The following GRID1 variants were observed in gnomAD, a reference collection of about 807,000 sequenced individuals.
GRID1 encodes glutamate receptor ionotropic, delta-1.
Under a neutral mutation model 98.0 loss-of-function variants are expected in GRID1, and 28 were observed. That is an observed-to-expected ratio of 0.29 (90% CI 0.21 to 0.39). The LOEUF is 0.39. GRID1 is among the 10% of genes least tolerant of loss of function. GRID1 has a pLI of 1.00. For missense variants in GRID1, 1,111 were observed against 1,340.5 expected (o/e 0.83, Z 2.67); for synonymous variants, 553 against 538.5 (o/e 1.03, Z -0.37).
chr10:85,772,228 T>G lies in GRID1; in HGVS notation c.1234-42614A>C, dbSNP rs999978517. ...AACCTGCTCCTGAATGACTACTGGG[T>G]ACATAACGAAATGAAGGCAGAAATA... On this transcript the variant is annotated intron_variant, in intron 8 of 15. Transcript: ENST00000327946. 3.3e-5 allele frequency among the ~76,000 whole-genome samples: 5 copies of G among 152,094 alleles called. No homozygotes were observed. In the South Asian group the frequency reaches 6.2e-4, roughly 19 times the overall value.
At chr10:85,873,584 G>C (rs1469756911) in intron 5 of GRID1, among the ~76,000 whole-genome samples, 2 of 152,272 alleles carry the variant, frequency 1.3e-5, no homozygotes, top group South Asian at 4.1e-4. Flanking sequence ...CATCTTGGTT[G>C]GATGCCTCCT....
intron 8 of GRID1, among the ~76,000 whole-genome samples, chr10:85,783,452 G>A (rs138473886): frequency 2.1e-4 from 32 of 152,250 alleles, no homozygotes; most frequent in African/African-American, 7.5e-4. Context: ...GGAGTTCCTC[G>A]AATCTGATTT....
At chr10:86,126,182 G>A (rs1046103782) in intron 4 of GRID1, among the ~76,000 whole-genome samples, 12 of 152,224 alleles carry the variant, frequency 7.9e-5, no homozygotes, top group East Asian at 1.9e-4. Context: ...TCGGCCGGGC[G>A]TGGTGGCTCA....
chr10:86,034,955 T>TGGAC (rs1843238223), intron 4 of GRID1, among the ~76,000 whole-genome samples: 2 of 150,602 alleles, frequency 1.3e-5, no homozygotes, highest in South Asian at 4.2e-4. Context: ...GATGGATGGA[T>TGGAC]AGATGGTTGG....
chr10:86,249,607 C>T (rs568722754), intron 2 of GRID1, among the ~76,000 whole-genome samples: 1 of 152,010 alleles, frequency 6.6e-6, no homozygotes, highest in Non-Finnish European at 1.5e-5. Flanking sequence ...CCATTTCTAC[C>T]CCCCCACACC....
intron 8 of GRID1, among the ~76,000 whole-genome samples, chr10:85,812,951 G>A (rs1016783617): frequency 6.6e-6 from 1 of 151,780 alleles, no homozygotes; most frequent in Non-Finnish European, 1.5e-5. Flanking sequence ...TGGTGGTAAT[G>A]GCAGCATTGG....
intron 2 of GRID1, among the ~76,000 whole-genome samples, chr10:86,317,686 T>G (rs543930815): frequency 2.0e-5 from 3 of 152,124 alleles, no homozygotes; most frequent in Admixed American, 1.3e-4. Context: ...CCTGACTGAC[T>G]TAAAGAGCAG....
rs569475444 is a variant in GRID1 at position 85,774,936 on chromosome 10, G to C, written c.1234-45322C>G. ...AGTGTGGCGATTCCTCAGGGATCTA[G>C]AACTAGAAATACCATTTGACCCAGC... is the stretch of plus-strand genomic sequence containing the variant. On this transcript the variant is annotated intron_variant, in intron 8 of 15. Coordinates refer to ENST00000327946, the MANE Select transcript of GRID1 (RefSeq NM_017551.3). Among the ~76,000 whole-genome samples, 864 of 151,570 alleles carry C rather than the reference G, an allele frequency of 5.7e-3. 12 individuals carry two copies. Among genetic ancestry groups the C allele is most frequent in the African/African-American group, 0.02 (824 of 41,370 alleles).
chr10:86,061,117 T>C (rs1490649658), intron 4 of GRID1, among the ~76,000 whole-genome samples: 1 of 152,164 alleles, frequency 6.6e-6, no homozygotes, highest in Non-Finnish European at 1.5e-5. Flanking sequence ...CTGGGGGTAC[T>C]CTACAGGCTT....
chr10:85,653,221 T>C (rs1473364575), intron 12 of GRID1, among the ~76,000 whole-genome samples: 1 of 152,242 alleles, frequency 6.6e-6, no homozygotes, highest in East Asian at 1.9e-4. Flanking sequence ...AGCTGACCCC[T>C]GCTGCTATGT....
intron 12 of GRID1, among the ~76,000 whole-genome samples, chr10:85,652,514 G>C (rs1403428972): frequency 3.9e-5 from 6 of 152,176 alleles, no homozygotes; most frequent in Admixed American, 3.3e-4. Flanking sequence ...TGGCTCAAAA[G>C]ACACGGGAGG....
At chr10:86,067,788 C>T (rs1843741433) in intron 4 of GRID1, among the ~76,000 whole-genome samples, 1 of 152,234 alleles carries the variant, frequency 6.6e-6, no homozygotes, top group African/African-American at 2.4e-5. Flanking sequence ...TAGCCTCAAG[C>T]CATGATGACT....
At chr10:86,259,809 A>G (rs1321288397) in intron 2 of GRID1, among the ~76,000 whole-genome samples, 1 of 152,176 alleles carries the variant, frequency 6.6e-6, no homozygotes, top group Admixed American at 6.5e-5. Flanking sequence ...CCACACTCTG[A>G]CCTCTTCCAT....
chr10:85,937,578 G>T (rs1028813770), intron 4 of GRID1, among the ~76,000 whole-genome samples: 2 of 152,144 alleles, frequency 1.3e-5, no homozygotes, highest in Non-Finnish European at 1.5e-5. Context: ...GCTCTTGAGG[G>T]TCTCCCCTCT....
At chr10:85,880,386 A>C (rs1840988480) in intron 5 of GRID1, among the ~76,000 whole-genome samples, 1 of 152,236 alleles carries the variant, frequency 6.6e-6, no homozygotes, top group Non-Finnish European at 1.5e-5. Context: ...AAATACTGGC[A>C]AACTGAATCC....
chr10:86,055,485 G>A (rs1843560138), intron 4 of GRID1, among the ~76,000 whole-genome samples: 1 of 152,168 alleles, frequency 6.6e-6, no homozygotes, highest in African/African-American at 2.4e-5. Flanking sequence ...AGAGACCCCT[G>A]TAATCCTAGC....
At chr10:86,265,580 ATGT>A (rs1482782839) in intron 2 of GRID1, among the ~76,000 whole-genome samples, 11 of 152,110 alleles carry the variant, frequency 7.2e-5, no homozygotes, top group Non-Finnish European at 1.2e-4. Context: ...ACACCCACAG[ATGT>A]GTTCTCACCC....
At chr10:86,291,511 G>T (rs191234558) in intron 2 of GRID1, among the ~76,000 whole-genome samples, 1 of 152,096 alleles carries the variant, frequency 6.6e-6, no homozygotes, top group African/African-American at 2.4e-5. Context: ...CTCAGCCCAG[G>T]GGCACAGCAC....
intron 2 of GRID1, among the ~76,000 whole-genome samples, chr10:86,208,082 A>G (rs1846059018): frequency 6.6e-6 from 1 of 152,114 alleles, no homozygotes; most frequent in Admixed American, 6.5e-5. Context: ...GAGAGAGAAG[A>G]AAAGGGGGAA....
Sources: allele counts gnomAD v4.1 joint callset (sites outside exome capture counted in the v4.1 genomes callset), GRCh38; gene constraint gnomAD v4.1.1; transcripts MANE v1.5; gene names NCBI Gene and HGNC (gene_info 2026-07-23, HGNC 2026-07-21).